The following PWWP2B variants were observed in gnomAD, a reference collection of about 807,000 sequenced individuals.
PWWP2B encodes the protein PWWP domain-containing protein 2B.
Under a neutral mutation model 15.5 loss-of-function variants are expected in PWWP2B, and 9 were observed. The observed-to-expected ratio is 0.58, with a 90% confidence interval of 0.35 to 1.02. PWWP2B has a LOEUF of 1.02. PWWP2B is among the 50% of genes least tolerant of loss of function. The pLI is 0.02. For synonymous variants in PWWP2B, 474 were observed against 403.6 expected, an observed-to-expected ratio of 1.17 and a Z score of -2.09; for missense variants, 864 against 865.3, an observed-to-expected ratio of 1.00 and a Z score of 0.02.
chr10:132,398,371 G>T (rs887815527), intron 1 of PWWP2B, among the ~76,000 whole-genome samples: 1 of 152,244 alleles, frequency 6.6e-6, no homozygotes, highest in African/African-American at 2.4e-5. Flanking sequence ...GTGGGCTACC[G>T]CTGGGAGTGC....
intron 2 of PWWP2B, among the ~76,000 whole-genome samples, chr10:132,411,471 C>T (rs1211479954): frequency 6.6e-6 from 1 of 152,230 alleles, no homozygotes; most frequent in Non-Finnish European, 1.5e-5. Flanking sequence ...AGCCCAGGGT[C>T]CACCCGAGCC....
At chr10:132,417,016 C>T (rs775014491) in intron 2 of PWWP2B, 45 bp from the exon 3 acceptor site, 9 of 1,611,856 alleles carry the variant, frequency 5.6e-6, no homozygotes, top group Admixed American at 1.7e-5. Context: ...GTCCCCCATA[C>T]TCGACCCTGA....
At position 132,405,164 on chromosome 10, in the gene PWWP2B, G is replaced by A. The variant is rs748741632; in HGVS notation, c.664G>A (p.Glu222Lys). 1.7e-5 allele frequency: 26 copies of A among 1,549,390 alleles called. No individual in the cohort carries two copies. The highest frequency in any genetic ancestry group is 2.4e-5 in the East Asian group (1 of 41,030). The change falls in exon 2 of 3, where the codon GAG (glutamate) becomes AAG (lysine). Residue 222 changes from glutamate (E) to lysine (K), a missense_variant. By Grantham distance (56) the Glu-to-Lys change is moderately conservative (BLOSUM62 1). Transcript: ENST00000305233. ...LRKPEEPENG[E>K]PTAAATARRS... is the part of the protein sequence containing the mutation. ...CAAGCCGGAGGAGCCGGAGAACGGC[G>A]AGCCCACGGCTGCGGCCACCGCCAG...
At chr10:132,399,523 G>A (rs1368255948) in intron 1 of PWWP2B, among the ~76,000 whole-genome samples, 2 of 152,292 alleles carry the variant, frequency 1.3e-5, no homozygotes, top group Non-Finnish European at 1.5e-5. Context: ...AGAGGGGCTT[G>A]GCAGGTGGGT....
In PWWP2B at chr10:132,397,257, G is replaced by T; in HGVS notation, c.31G>T (p.Val11Leu). The T allele has an allele frequency of 7.6e-7, 1 of 1,318,628 alleles. No individual in the cohort carries two copies. Among genetic ancestry groups the T allele is most frequent in the Non-Finnish European group, 9.7e-7 (1 of 1,025,766 alleles). 81.7% of individuals were successfully genotyped at this position (1,318,628 alleles called of 1,614,324 possible). Residue 11 changes from valine to leucine, a missense_variant, in exon 1 of 3, where the codon GTG becomes TTG. This residue lies in a region of PWWP2B where 736 missense variants were observed against 687.7 expected (regional missense o/e 1.07). Coordinates refer to ENST00000305233, the MANE Select transcript of PWWP2B (RefSeq NM_138499.4). MEPRAGCRLP[V>L]RVEQVVNGAL... is the part of the protein sequence containing the mutation. ...GCCGCGCGCCGGCTGCCGGCTGCCG[G>T]TGCGGGTGGAGCAGGTCGTCAACGG...
At chr10:132,411,242 G>A in intron 2 of PWWP2B, among the ~76,000 whole-genome samples, 1 of 152,246 alleles carries the variant, frequency 6.6e-6, no homozygotes, top group Non-Finnish European at 1.5e-5. Context: ...CGTCGCCCCA[G>A]GCTCTGCCTC....
chr10:132,408,519 G>C (rs574488261), intron 2 of PWWP2B, among the ~76,000 whole-genome samples: 2 of 152,204 alleles, frequency 1.3e-5, no homozygotes, highest in African/African-American at 4.8e-5. Context: ...AGGCTGGTGT[G>C]GGGGCTGGAG....
chr10:132,412,634 C>T (rs1027669736), intron 2 of PWWP2B, among the ~76,000 whole-genome samples: 1 of 152,240 alleles, frequency 6.6e-6, no homozygotes, highest in Non-Finnish European at 1.5e-5. Flanking sequence ...TTAAGATTTG[C>T]TCTTTCAGGA....
chr10:132,414,186 C>T (rs1236208358), intron 2 of PWWP2B, among the ~76,000 whole-genome samples: 4 of 152,192 alleles, frequency 2.6e-5, no homozygotes, highest in Admixed American at 6.5e-5. Flanking sequence ...TGCTGCTGTT[C>T]GGGACGAAGG....
intron 2 of PWWP2B, among the ~76,000 whole-genome samples, chr10:132,410,539 G>A (rs1040055115): frequency 2.0e-5 from 3 of 152,172 alleles, no homozygotes; most frequent in African/African-American, 4.8e-5. Flanking sequence ...GACCTTGCCC[G>A]TCCTGCACCT....
intron 1 of PWWP2B, among the ~76,000 whole-genome samples, chr10:132,403,525 G>A (rs2069639630): frequency 6.6e-6 from 1 of 152,186 alleles, no homozygotes; most frequent in Non-Finnish European, 1.5e-5. Context: ...GAGGCCAACA[G>A]GGGACAGGGC....
rs775688470 is a variant in PWWP2B at position 132,405,967 on chromosome 10, C to T, written c.1467C>T (p.Ala489=). ...TCACGGAGGACGGCAGGACTGTGGCCGTGGGGGACATCGTCTGGGGTAAGA... is the reference window on the plus strand; with the variant it reads ...TCACGGAGGACGGCAGGACTGTGGCTGTGGGGGACATCGTCTGGGGTAAGA... The part of the protein sequence containing the change: ...ECITEDGRTV[A]VGDIVWGKIH... Residue 489 remains alanine, a synonymous_variant, in exon 2 of 3, where the codon GCC becomes GCT. Coordinates refer to ENST00000305233, the MANE Select transcript of PWWP2B (RefSeq NM_138499.4). 25 of 1,613,376 alleles carry T rather than the reference C, an allele frequency of 1.5e-5. No individual in the cohort carries two copies. Among genetic ancestry groups the T allele is most frequent in the African/African-American group, 1.5e-4 (11 of 74,924 alleles).
chr10:132,411,101 C>CAAA (rs2069773464), intron 2 of PWWP2B, among the ~76,000 whole-genome samples: 1 of 152,210 alleles, frequency 6.6e-6, no homozygotes, highest in Non-Finnish European at 1.5e-5. Flanking sequence ...AGACCACAGG[C>CAAA]GTTTATTCCC....
In PWWP2B at chr10:132,405,244, G is replaced by T. The variant is rs144621296; in HGVS notation, c.744G>T (p.Pro248=). 18 of 1,608,404 alleles carry T rather than the reference G, an allele frequency of 1.1e-5. No individual in the cohort carries two copies. The African/African-American group carries it at 2.4e-4, about 21-fold the overall frequency. Residue 248 remains proline (P), a synonymous_variant, in exon 2 of 3, where the codon CCG becomes CCT. Coordinates refer to ENST00000305233, the MANE Select transcript of PWWP2B (RefSeq NM_138499.4). ...ACAGGGCCCCGGCAGAGCAGGTCCC[G>T]CGGAGCCCGGTCATCAAGATCTCCT... The part of the protein sequence containing the change: ...EEDRAPAEQV[P]RSPVIKISYS...
chr10:132,405,540 C>A lies in PWWP2B; in HGVS notation c.1040C>A (p.Pro347His). Residue 347 changes from proline to histidine, a missense_variant, in exon 2 of 3, where the codon CCC (proline) becomes CAC (histidine). Around this residue, in one of 2 missense-constraint regions of PWWP2B, gnomAD observed 736 missense variants for 687.7 expected, o/e 1.07. Coordinates refer to ENST00000305233, the MANE Select transcript of PWWP2B (RefSeq NM_138499.4). ...CGTCTGGGGGACAGCGAGCACGAGC[C>A]CGTGTACCGGGCCGAGCTGGTGGGG... The part of the protein sequence containing the change: ...PHRLGDSEHE[P>H]VYRAELVGEL... The A allele has an allele frequency of 6.2e-7, 1 of 1,604,318 alleles. No individual in the cohort carries two copies. The highest frequency in any genetic ancestry group is 8.5e-7 in the Non-Finnish European group (1 of 1,178,930).
intron 2 of PWWP2B, among the ~76,000 whole-genome samples, chr10:132,410,941 A>C (rs2069770925): frequency 6.6e-6 from 1 of 151,620 alleles, no homozygotes; most frequent in African/African-American, 2.4e-5. Flanking sequence ...CTGGCAGGGG[A>C]CTTTTGGGGG....
At chr10:132,410,769 G>T (rs948645996) in intron 2 of PWWP2B, among the ~76,000 whole-genome samples, 1 of 152,182 alleles carries the variant, frequency 6.6e-6, no homozygotes, top group African/African-American at 2.4e-5. Context: ...CTCCACCGAC[G>T]TGCGGACTGG....
In PWWP2B at chr10:132,406,229, G is replaced by A. The variant is rs971536848; in HGVS notation, c.1729G>A (p.Val577Met). 3.5e-5 allele frequency: 56 copies of A among 1,611,506 alleles called. No homozygotes were observed. The highest frequency in any genetic ancestry group is 4.5e-5 in the Non-Finnish European group (53 of 1,178,762). ...ITEAANAARHVAPEIRELLTQ... is the reference protein window; with the variant it reads ...ITEAANAARHMAPEIRELLTQ... ...CGAGGCTGCAAATGCCGCAAGACAC[G>A]TGGCCCCGGAAATCAGGGAGCTCTT... Residue 577 changes from valine (V) to methionine (M), a missense_variant, in exon 2 of 3, where the codon GTG becomes ATG. Val to Met is a conservative substitution (Grantham distance 21, BLOSUM62 1). Transcript: ENST00000305233.
At chr10:132,414,450 C>T (rs2069818496) in intron 2 of PWWP2B, among the ~76,000 whole-genome samples, 1 of 152,152 alleles carries the variant, frequency 6.6e-6, no homozygotes, top group Non-Finnish European at 1.5e-5. Context: ...ATGGCAGGGA[C>T]CCCACTTGTG....
Sources: gnomAD v4.1 joint callset for allele counts (sites outside exome capture counted in the v4.1 genomes callset) on GRCh38, gnomAD v4.1.1 for gene constraint, gnomAD v4.1.1 regional missense constraint, MANE v1.5 for transcripts, NCBI Gene and HGNC (gene_info 2026-07-23, HGNC 2026-07-21) for gene names.